USP20: variants seen among roughly 807,000 people sequenced by gnomAD.
USP20 encodes the protein ubiquitin carboxyl-terminal hydrolase 20.
In USP20, 80 loss-of-function variants were observed where a neutral mutation model predicts 124.2. The ratio of observed to expected loss-of-function variants is 0.64; its 90% CI spans 0.54 to 0.78. USP20 has a LOEUF of 0.78. Among genes scored for constraint, USP20 ranks in the 30% least tolerant of loss-of-function variants. The pLI is 0.00. For missense variants in USP20, 1,043 were observed against 1,244.4 expected, an observed-to-expected ratio of 0.84 and a Z score of 2.44; for synonymous variants, 481 against 512.3, an observed-to-expected ratio of 0.94 and a Z score of 0.83.
chr9:129,860,158 G>A (rs1010446199), intron 6 of USP20, among the ~76,000 whole-genome samples: 13 of 152,164 alleles, frequency 8.5e-5, no homozygotes, highest in South Asian at 8.3e-4. Context: ...GTGAAACCCC[G>A]TCTCTACTAA....
At chr9:129,870,929 T>C (rs2034090281) in intron 15 of USP20, among the ~76,000 whole-genome samples, 1 of 152,234 alleles carries the variant, frequency 6.6e-6, no homozygotes, top group South Asian at 2.1e-4. Flanking sequence ...TTTTTCTCCG[T>C]TGGCTATTTG....
Position 129,871,708 on chromosome 9 carries a change from TTTTTG to T in USP20, c.1660+1181_1660+1185del, listed in dbSNP as rs930451480. 4.4e-4 allele frequency among the ~76,000 whole-genome samples: 67 copies of T among 152,260 alleles called. No homozygotes were observed. In the East Asian group the frequency reaches 0.01, roughly 24 times the overall value. ...TGAGGTGGTATCTCATTGTGCGTTTTTTTTGTTTTGTTTTGTTTTGTTTTTGAGAC... is the reference window on the plus strand; with the variant it reads ...TGAGGTGGTATCTCATTGTGCGTTTTTTTTGTTTTGTTTTGTTTTTGAGAC... On this transcript the variant is annotated intron_variant, in intron 15 of 25. Transcript: ENST00000372429.
At chr9:129,836,262 CCTTA>C (rs1564191381) in intron 1 of USP20, among the ~76,000 whole-genome samples, 2 of 152,170 alleles carry the variant, frequency 1.3e-5, no homozygotes. Flanking sequence ...CAGTGTCATC[CCTTA>C]CTTTGAGAAC....
chr9:129,870,313 G>T, intron 14 of USP20, 140 bp from the exon 15 acceptor site: 1 of 836,810 alleles, frequency 1.2e-6, no homozygotes, highest in South Asian at 1.7e-5. Context: ...CCTCTGCCCC[G>T]ACCCGCCGTG....
chr9:129,838,877 C>G (rs1261182769), intron 1 of USP20, among the ~76,000 whole-genome samples: 1 of 152,220 alleles, frequency 6.6e-6, no homozygotes, highest in Non-Finnish European at 1.5e-5. Context: ...TTAAGGGACT[C>G]TTCCGGACAG....
intron 6 of USP20, among the ~76,000 whole-genome samples, chr9:129,859,604 G>T (rs1170768200): frequency 1.3e-5 from 2 of 151,946 alleles, no homozygotes; most frequent in African/African-American, 4.8e-5. Flanking sequence ...CACATGATAG[G>T]GCTCAATATT....
chr9:129,858,809 T>G (rs1463246022), intron 6 of USP20, among the ~76,000 whole-genome samples: 1 of 152,036 alleles, frequency 6.6e-6, no homozygotes, highest in South Asian at 2.1e-4. Flanking sequence ...ACCATGAGGG[T>G]GCAGAGGTGA....
chr9:129,839,184 T>C lies in USP20; in HGVS notation c.-129+3685T>C, dbSNP rs2032048760. Among the ~76,000 whole-genome samples, 1 of 152,186 alleles carries C rather than the reference T, an allele frequency of 6.6e-6. No homozygotes were observed. Among genetic ancestry groups the C allele is most frequent in the Non-Finnish European group, 1.5e-5 (1 of 68,030 alleles). The stretch of plus-strand genomic sequence containing the variant: ...TCTGCAGCTCAGTAGCTGTGTGACC[T>C]TAGCCAGTTATTCCACTTCTCTGAG... On this transcript the variant is annotated intron_variant, in intron 1 of 25. Transcript: ENST00000372429. This position sits in a 1 kb window ranked among gnomAD's most constrained non-coding sequence, Gnocchi z 4.5.
chr9:129,878,617 T>C (rs1324722916), intron 23 of USP20, among the ~76,000 whole-genome samples, 177 bp downstream of exon 23: 2 of 152,176 alleles, frequency 1.3e-5, no homozygotes, highest in Non-Finnish European at 2.9e-5. Context: ...TGGGGATCAC[T>C]GTCCCCACCC....
Position 129,873,512 on chromosome 9 carries a change from A to G in USP20, c.1691A>G (p.Lys564Arg), listed in dbSNP as rs1344989693. The G allele has an allele frequency of 6.2e-7, 1 of 1,614,118 alleles. No individual in the cohort carries two copies. The highest frequency in any genetic ancestry group is 1.7e-5 in the Admixed American group (1 of 60,010). The change falls in exon 16 of 26, where the codon AAG becomes AGG. Residue 564 changes from lysine (K) to arginine (R), a missense_variant. By Grantham distance (26) the Lys-to-Arg change is conservative. Coordinates refer to ENST00000372429, the MANE Select transcript of USP20 (RefSeq NM_001110303.4). Reference protein sequence around the residue: ...GDNMYSCERCKKLRNGVKYCK... With the variant: ...GDNMYSCERCRKLRNGVKYCK... ...AACATGTACAGCTGTGAGCGGTGTA[A>G]GAAGTAAGTGAGCCTTCCCCCGCCT...
chr9:129,874,560 C>CTT lies in USP20; in HGVS notation c.1741-15_1741-14insTT. The CTT allele has an allele frequency of 6.2e-7, 1 of 1,610,562 alleles. No individual in the cohort carries two copies. Among genetic ancestry groups the CTT allele is most frequent in the South Asian group, 1.1e-5 (1 of 91,060 alleles). The stretch of plus-strand genomic sequence containing the variant: ...CATTTCTTCCTAGATGACCGGCGCT[C>CTT]TCTCTGTCCCCGCAGATCCTGTGCA... On this transcript the variant is annotated splice_polypyrimidine_tract_variant and intron_variant, in intron 17 of 25. Transcript: ENST00000372429.
rs1439325025 is a variant in USP20 at position 129,879,687 on chromosome 9, C to T, written c.2584+43C>T. 2.5e-6 allele frequency: 4 copies of T among 1,609,310 alleles called. No homozygotes were observed. The highest frequency in any genetic ancestry group is 1.3e-5 in the African/African-American group (1 of 74,972). ...TCAGCCAGGCTCCTCTCTGCCCTTC[C>T]TGGCTGCCAGGCTGCTGCCCAGTCC... On this transcript the variant is annotated intron_variant, in intron 24 of 25. Transcript: ENST00000372429. This position sits in a 1 kb window ranked among gnomAD's most constrained non-coding sequence, Gnocchi z 4.2.
intron 8 of USP20, among the ~76,000 whole-genome samples, chr9:129,862,292 G>A (rs1015361665): frequency 2.0e-5 from 3 of 152,172 alleles, no homozygotes; most frequent in African/African-American, 7.2e-5. Flanking sequence ...AGTAGCCCAC[G>A]CCTGTAATCC....
In USP20 at chr9:129,880,168, T is replaced by C. The variant is rs781630582; in HGVS notation, c.2640T>C (p.Tyr880=). 10 of 1,613,804 alleles carry C rather than the reference T, an allele frequency of 6.2e-6. No homozygotes were observed. In the South Asian group the frequency reaches 1.1e-4, roughly 18 times the overall value. ...EETWTYLNSL[Y]GGGPEIAIRQ... The stretch of plus-strand genomic sequence containing the variant: ...CCTGGACCTACCTGAACAGCCTGTA[T>C]GGAGGTGGCCCCGAGATTGCCATCC... The change falls in exon 25 of 26, where the codon TAT becomes TAC. Residue 880 remains tyrosine (Y), a synonymous_variant. Transcript: ENST00000372429.
chr9:129,873,418 A>T (rs963880165), intron 15 of USP20, 64 bp from the exon 16 acceptor site: 1 of 1,583,394 alleles, frequency 6.3e-7, no homozygotes, highest in South Asian at 1.1e-5. Flanking sequence ...CATTATAGTC[A>T]CTTTTTTTTG....
At position 129,865,368 on chromosome 9, in the gene USP20, G is replaced by A. The variant is rs2033772659; in HGVS notation, c.677G>A (p.Gly226Asp). The A allele has an allele frequency of 2.5e-6, 4 of 1,614,038 alleles. No homozygotes were observed. The highest frequency in any genetic ancestry group is 2.5e-6 in the Non-Finnish European group (3 of 1,180,008). ...AAGTTGGTCAACCCAATGTTCCGAGGCTATGCCCAGCAGGTAAGCCATCTG... is the reference window on the plus strand; with the variant it reads ...AAGTTGGTCAACCCAATGTTCCGAGACTATGCCCAGCAGGTAAGCCATCTG... ...GIKLVNPMFRGYAQQDTQEFL... is the reference protein window; with the variant it reads ...GIKLVNPMFRDYAQQDTQEFL... The change falls in exon 10 of 26, where the codon GGC becomes GAC. Residue 226 changes from glycine to aspartate, a missense_variant. Physicochemically the swap from Gly to Asp is moderately conservative, Grantham distance 94. Transcript: ENST00000372429.
chr9:129,850,896 T>G (rs1182481373), intron 2 of USP20, among the ~76,000 whole-genome samples: 2 of 152,170 alleles, frequency 1.3e-5, no homozygotes, highest in African/African-American at 4.8e-5. Flanking sequence ...TCAGGTGATC[T>G]GCCCGCCTCG....
intron 11 of USP20, 94 bp downstream of exon 11, chr9:129,868,543 C>T (rs4258092): frequency 0.9 from 1,325,017 of 1,469,316 alleles, 599,777 homozygotes; most frequent in East Asian, 1. Flanking sequence ...CCCCGGGGGA[C>T]GGGTTCTTCA....
chr9:129,844,647 AATTATAT>A (rs1401839665), intron 1 of USP20, among the ~76,000 whole-genome samples: 1 of 149,490 alleles, frequency 6.7e-6, no homozygotes, highest in Non-Finnish European at 1.5e-5. Flanking sequence ...AAAAAAAAAA[AATTATAT>A]ATTCGTACAT....
Sources: allele counts gnomAD v4.1 joint callset (sites outside exome capture counted in the v4.1 genomes callset), GRCh38; gene constraint gnomAD v4.1.1; non-coding constraint Gnocchi (gnomAD v3.1); transcripts MANE v1.5; gene names NCBI Gene and HGNC (gene_info 2026-07-23, HGNC 2026-07-21).